The following EDIL3 variants were observed in gnomAD, a reference collection of about 807,000 sequenced individuals.
The protein encoded by EDIL3 is EGF like and discoidin domains 3, also known as EGF-like repeat and discoidin I-like domain-containing protein 3.
Under a neutral mutation model 67.4 loss-of-function variants are expected in EDIL3, and 37 were observed. The ratio of observed to expected loss-of-function variants is 0.55; its 90% CI spans 0.42 to 0.72. The LOEUF (loss-of-function observed/expected upper bound fraction) is 0.72. Ranked by LOEUF, EDIL3 falls within the 30% of genes least tolerant of loss-of-function variation. The probability of loss-of-function intolerance (pLI) is 0.00; values close to 1 mark genes in which losing one functional copy is unlikely to be tolerated. For missense variants in EDIL3, 527 were observed against 586.3 expected (o/e 0.90, Z 1.04); for synonymous variants, 195 against 196.3 (o/e 0.99, Z 0.05).
At chr5:84,249,987 A>C (rs1744991462) in intron 2 of EDIL3, among the ~76,000 whole-genome samples, 1 of 152,136 alleles carries the variant, frequency 6.6e-6, no homozygotes, top group Non-Finnish European at 1.5e-5. Flanking sequence ...GCATGAAATG[A>C]ATGTGTCATA....
At chr5:84,338,883 C>T (rs1747040886) in intron 1 of EDIL3, among the ~76,000 whole-genome samples, 1 of 152,142 alleles carries the variant, frequency 6.6e-6, no homozygotes, top group Non-Finnish European at 1.5e-5. Context: ...TGGTTTAATG[C>T]TCTGCTGTCA....
chr5:84,244,254 C>A (rs1301833066), intron 2 of EDIL3, among the ~76,000 whole-genome samples: 1 of 152,062 alleles, frequency 6.6e-6, no homozygotes, highest in East Asian at 1.9e-4. Context: ...AGAAATTAAT[C>A]CAACCTATCA....
intron 6 of EDIL3, among the ~76,000 whole-genome samples, chr5:84,072,759 G>C (rs1746762492): frequency 6.6e-6 from 1 of 152,024 alleles, no homozygotes; most frequent in Non-Finnish European, 1.5e-5. Flanking sequence ...AAAAAGTACA[G>C]AAAAGAAGAT....
At chr5:84,037,560 A>C (rs1243937331) in intron 9 of EDIL3, among the ~76,000 whole-genome samples, 1 of 152,232 alleles carries the variant, frequency 6.6e-6, no homozygotes, top group Admixed American at 6.5e-5. Context: ...GTGATATATA[A>C]ACAGATTTCA....
At chr5:84,211,734 G>A (rs1030173620) in intron 3 of EDIL3, among the ~76,000 whole-genome samples, 2 of 152,186 alleles carry the variant, frequency 1.3e-5, no homozygotes, top group African/African-American at 4.8e-5. Context: ...AGAGAGCATG[G>A]CCTGGATTAT....
At chr5:83,943,686 T>G in intron 10 of EDIL3, 118 bp from the exon 11 acceptor site, 1 of 1,194,844 alleles carries the variant, frequency 8.4e-7, no homozygotes, top group Non-Finnish European at 1.1e-6. Context: ...TTCATTTTCT[T>G]TTCTTCAAAA....
chr5:84,162,270 G>A (rs1748627655), intron 4 of EDIL3, among the ~76,000 whole-genome samples: 1 of 152,118 alleles, frequency 6.6e-6, no homozygotes, highest in Non-Finnish European at 1.5e-5. Flanking sequence ...CCATAGAGAG[G>A]AGTGGTTCCA....
intron 2 of EDIL3, among the ~76,000 whole-genome samples, chr5:84,242,724 G>A (rs747921503): frequency 9.6e-5 from 14 of 146,286 alleles, no homozygotes; most frequent in Non-Finnish European, 1.8e-4. Flanking sequence ...CTTGAGCCCC[G>A]GACATTGAGG....
chr5:84,319,720 T>C (rs1028664938), intron 1 of EDIL3, among the ~76,000 whole-genome samples: 9 of 152,100 alleles, frequency 5.9e-5, no homozygotes, highest in Admixed American at 5.9e-4. Context: ...ACTGCAGCAC[T>C]GTTCACAATA....
chr5:84,346,717 G>A (rs1747247525), intron 1 of EDIL3, among the ~76,000 whole-genome samples: 1 of 152,172 alleles, frequency 6.6e-6, no homozygotes, highest in Admixed American at 6.5e-5. Flanking sequence ...AACCAGTAAT[G>A]CTAACTGCAG....
chr5:84,280,947 CAAAAAAA>C (rs11302104), intron 1 of EDIL3, among the ~76,000 whole-genome samples: 66 of 70,206 alleles, frequency 9.4e-4, no homozygotes, highest in African/African-American at 3.5e-3. Context: ...AAGACTCTGT[CAAAAAAA>C]AAAAAAAAAA....
At chr5:84,344,524 T>G (rs966840076) in intron 1 of EDIL3, among the ~76,000 whole-genome samples, 1 of 152,116 alleles carries the variant, frequency 6.6e-6, no homozygotes, top group African/African-American at 2.4e-5. Flanking sequence ...CTTTTTCATA[T>G]GTAAATTTTA....
At chr5:84,130,668 T>C (rs1561439998) in intron 5 of EDIL3, among the ~76,000 whole-genome samples, 1 of 152,118 alleles carries the variant, frequency 6.6e-6, no homozygotes, top group Non-Finnish European at 1.5e-5. Context: ...TGACCACTTT[T>C]TAAGAAAATA....
At chr5:84,351,105 C>T (rs918085975) in intron 1 of EDIL3, among the ~76,000 whole-genome samples, 9 of 151,964 alleles carry the variant, frequency 5.9e-5, no homozygotes, top group African/African-American at 2.2e-4. Context: ...AGCATCCATC[C>T]CTCATTATTT....
At chr5:84,224,967 C>T (rs1391649287) in intron 3 of EDIL3, among the ~76,000 whole-genome samples, 1 of 151,428 alleles carries the variant, frequency 6.6e-6, no homozygotes, top group African/African-American at 2.4e-5. Context: ...TAAAATATAA[C>T]TCAGCTTGAA....
intron 1 of EDIL3, among the ~76,000 whole-genome samples, chr5:84,299,576 C>A (rs969496781): frequency 6.6e-6 from 1 of 152,120 alleles, no homozygotes; most frequent in Admixed American, 6.6e-5. Flanking sequence ...CCCCCACTGT[C>A]CCAACATAAA....
chr5:84,268,047 G>T (rs1745385313), intron 1 of EDIL3, among the ~76,000 whole-genome samples: 2 of 152,202 alleles, frequency 1.3e-5, no homozygotes, highest in African/African-American at 4.8e-5. Context: ...TGAGGCAGGA[G>T]AATTGCTTGA....
intron 3 of EDIL3, 72 bp downstream of exon 3, chr5:84,229,783 C>T: frequency 6.8e-7 from 1 of 1,461,706 alleles, no homozygotes; most frequent in Non-Finnish European, 9.3e-7. Context: ...AAATATTACT[C>T]AAAAGGTTGA....
chr5:84,073,699 G>A (rs1387628644), intron 6 of EDIL3, among the ~76,000 whole-genome samples: 1 of 151,602 alleles, frequency 6.6e-6, no homozygotes, highest in East Asian at 1.9e-4. Context: ...AATAAAAGAG[G>A]ATACAAACAA....
Sources: allele counts gnomAD v4.1 joint callset (sites outside exome capture counted in the v4.1 genomes callset), GRCh38; gene constraint gnomAD v4.1.1; transcripts MANE v1.5; gene names NCBI Gene and HGNC (gene_info 2026-07-23, HGNC 2026-07-21).